CNGB3: variants seen among roughly 807,000 people sequenced by gnomAD.
The protein encoded by CNGB3 is cyclic nucleotide gated channel subunit beta 3, also known as cyclic nucleotide-gated channel beta-3.
A neutral mutation model predicts 92.8 loss-of-function variants in CNGB3; 86 were observed. The ratio of observed to expected loss-of-function variants is 0.93; its 90% CI spans 0.78 to 1.11. The LOEUF is 1.11. CNGB3 is among the 50% of genes least tolerant of loss of function. The pLI is 0.00. For synonymous variants in CNGB3, 333 were observed against 332.7 expected (o/e 1.00, Z -0.01); for missense variants, 1,026 against 956.8 (o/e 1.07, Z -0.95).
At chr8:86,638,004 C>T (rs1054527663) in intron 10 of CNGB3, among the ~76,000 whole-genome samples, 1 of 152,058 alleles carries the variant, frequency 6.6e-6, no homozygotes. Context: ...TATAAGATGT[C>T]TTTTACTCAG....
chr8:86,576,043 C>T lies in CNGB3; in HGVS notation c.2191G>A (p.Glu731Lys), dbSNP rs1821654259. 6.2e-7 allele frequency: 1 copy of T among 1,604,558 alleles called. No individual in the cohort carries two copies. The highest frequency in any genetic ancestry group is 8.5e-7 in the Non-Finnish European group (1 of 1,175,322). ...TCTTCATTTTCTTTTCCTTTATCTT[C>T]ATTTTCTTTTTGTTTATCTTCATTT... ...KENEDKQKENEDKGKENEDKD... is the reference protein window; with the variant it reads ...KENEDKQKENKDKGKENEDKD... Residue 731 changes from glutamate to lysine, a missense_variant, in exon 18 of 18, where the codon GAA (glutamate) becomes AAA (lysine). Coordinates refer to ENST00000320005, the MANE Select transcript of CNGB3 (RefSeq NM_019098.5).
At chr8:86,693,562 C>T (rs1346051031) in intron 3 of CNGB3, among the ~76,000 whole-genome samples, 1 of 149,558 alleles carries the variant, frequency 6.7e-6, no homozygotes, top group African/African-American at 2.4e-5. Context: ...GAACAAAGGT[C>T]TCTGGTTTTC....
At chr8:86,714,724 TGAG>T (rs1273342508) in intron 3 of CNGB3, among the ~76,000 whole-genome samples, 1 of 152,114 alleles carries the variant, frequency 6.6e-6, no homozygotes, top group East Asian at 1.9e-4. Flanking sequence ...GCTGTCTCAA[TGAG>T]GAGACTAGTG....
intron 3 of CNGB3, among the ~76,000 whole-genome samples, chr8:86,720,405 A>G (rs1824943867): frequency 6.6e-6 from 1 of 152,170 alleles, no homozygotes; most frequent in Non-Finnish European, 1.5e-5. Context: ...AAAATTCTCA[A>G]CATCACTAAT....
chr8:86,610,989 C>T (rs1359922934), intron 14 of CNGB3, among the ~76,000 whole-genome samples: 1 of 152,142 alleles, frequency 6.6e-6, no homozygotes, highest in Non-Finnish European at 1.5e-5. Context: ...AACATATGTA[C>T]AGTATGATGC....
intron 2 of CNGB3, among the ~76,000 whole-genome samples, chr8:86,730,870 C>A (rs1825144431): frequency 6.6e-6 from 1 of 152,016 alleles, no homozygotes; most frequent in Non-Finnish European, 1.5e-5. Context: ...AAAATGGATT[C>A]TGAAAGAGGG....
intron 3 of CNGB3, among the ~76,000 whole-genome samples, chr8:86,700,574 T>C (rs986371468): frequency 5.9e-5 from 9 of 152,338 alleles, no homozygotes; most frequent in African/African-American, 1.9e-4. Flanking sequence ...CGTCAGGTTA[T>C]GGTGTGAATC....
rs565044707 is a variant in CNGB3 at position 86,613,415 on chromosome 8, T to A, written c.1579-1744A>T. Among the ~76,000 whole-genome samples, 4 of 152,328 alleles carry A rather than the reference T, an allele frequency of 2.6e-5. No homozygotes were observed. The South Asian group carries it at 8.3e-4, about 32-fold the overall frequency. On this transcript the variant is annotated intron_variant, in intron 13 of 17. Transcript: ENST00000320005. ...TTCACTTCAGAAATTGGTATTCTGA[T>A]TCATTTAAAACTCACTTAGAAAAAG...
intron 3 of CNGB3, among the ~76,000 whole-genome samples, chr8:86,703,097 T>TA: frequency 6.6e-6 from 1 of 152,290 alleles, no homozygotes; most frequent in Non-Finnish European, 1.5e-5. Context: ...AACACCATTT[T>TA]AAAAATAATC....
intron 3 of CNGB3, among the ~76,000 whole-genome samples, chr8:86,696,864 G>A (rs1283933032): frequency 3.3e-5 from 5 of 151,942 alleles, no homozygotes; most frequent in Admixed American, 2.6e-4. Flanking sequence ...ATGTCTTTTG[G>A]TTGGTGAGTT....
intron 3 of CNGB3, chr8:86,707,548 G>A (rs1227434552): frequency 6.5e-6 from 1 of 152,676 alleles, no homozygotes; most frequent in African/African-American, 2.4e-5. Flanking sequence ...GCTGAGGTTA[G>A]TGAGGCAGTG....
chr8:86,647,901 A>C lies in CNGB3; in HGVS notation c.904-14T>G, dbSNP rs1264506743. 3 of 1,480,786 alleles carry C rather than the reference A, an allele frequency of 2.0e-6. No individual in the cohort carries two copies. Among genetic ancestry groups the C allele is most frequent in the African/African-American group, 1.4e-5 (1 of 71,982 alleles). 91.7% of individuals were successfully genotyped at this position (1,480,786 alleles called of 1,614,324 possible). On this transcript the variant is annotated splice_polypyrimidine_tract_variant and intron_variant, in intron 7 of 17. Transcript: ENST00000320005. ...TGCGACATCCAACTGTTGAAAGAAC[A>C]CATTCACAAATATGTTGTGTTTACA...
intron 14 of CNGB3, among the ~76,000 whole-genome samples, chr8:86,610,725 A>G (rs1822501387): frequency 6.6e-6 from 1 of 152,180 alleles, no homozygotes; most frequent in Non-Finnish European, 1.5e-5. Flanking sequence ...TATTGAGTTT[A>G]TCTTTGGTTG....
At chr8:86,710,766 A>G (rs1156779176) in intron 3 of CNGB3, among the ~76,000 whole-genome samples, 1 of 152,224 alleles carries the variant, frequency 6.6e-6, no homozygotes, top group Non-Finnish European at 1.5e-5. Context: ...TAAAAGAAAC[A>G]CTTATGAAAA....
chr8:86,644,263 C>T (rs984700082), intron 9 of CNGB3, among the ~76,000 whole-genome samples: 5 of 151,110 alleles, frequency 3.3e-5, no homozygotes, highest in Non-Finnish European at 5.9e-5. Context: ...CTAGAGGTTT[C>T]GGTGCAAGTA....
rs1823457204 is a variant in CNGB3, at chr8:86,654,071, T to C, written c.853-9A>G. ...AGCTCATTTGAATCCACCTGAAAGA[T>C]ATTTGTATTTTCATTAATTTTAGCC... On this transcript the variant is annotated splice_polypyrimidine_tract_variant and intron_variant, in intron 6 of 17. Coordinates refer to ENST00000320005, the MANE Select transcript of CNGB3 (RefSeq NM_019098.5). The C allele has an allele frequency of 6.4e-7, 1 of 1,561,628 alleles. No individual in the cohort carries two copies. Among genetic ancestry groups the C allele is most frequent in the Non-Finnish European group, 8.8e-7 (1 of 1,132,756 alleles).
rs765542992 is a variant in CNGB3, at chr8:86,667,068, G to A, written c.709C>T (p.Pro237Ser). The stretch of plus-strand genomic sequence containing the variant: ...TGATATGGGAAGACGAGGCGCAGTG[G>A]TATAAAACAGCAGTTCCAGTTATAG... Reference protein sequence around the residue: ...LAYNWNCCFIPLRLVFPYQTA... With the variant: ...LAYNWNCCFISLRLVFPYQTA... Residue 237 changes from proline to serine, a missense_variant, in exon 6 of 18, where the codon CCA (proline) becomes TCA (serine). Physicochemically the swap from Pro to Ser is moderately conservative, Grantham distance 74 (BLOSUM62 -1). Coordinates refer to ENST00000320005, the MANE Select transcript of CNGB3 (RefSeq NM_019098.5). 1.2e-6 allele frequency: 2 copies of A among 1,614,078 alleles called. No homozygotes were observed. Among genetic ancestry groups the A allele is most frequent in the Non-Finnish European group, 1.7e-6 (2 of 1,179,996 alleles).
intron 14 of CNGB3, among the ~76,000 whole-genome samples, chr8:86,611,213 A>G (rs1822512697): frequency 6.6e-6 from 1 of 152,160 alleles, no homozygotes; most frequent in African/African-American, 2.4e-5. Flanking sequence ...TACTTGGGAG[A>G]GCAAAATGAA....
At chr8:86,713,527 G>A (rs943002817) in intron 3 of CNGB3, among the ~76,000 whole-genome samples, 1 of 152,080 alleles carries the variant, frequency 6.6e-6, no homozygotes, top group Non-Finnish European at 1.5e-5. Flanking sequence ...CAAATATACT[G>A]TATCCTAAAT....
Sources: allele counts gnomAD v4.1 joint callset (sites outside exome capture counted in the v4.1 genomes callset), GRCh38; gene constraint gnomAD v4.1.1; transcripts MANE v1.5; gene names NCBI Gene and HGNC (gene_info 2026-07-23, HGNC 2026-07-21).